Variants in PMEL observed in about 807,000 individuals in gnomAD.
The protein encoded by PMEL is melanocyte protein PMEL.
A neutral mutation model predicts 64.9 loss-of-function variants in PMEL; 53 were observed. That is an observed-to-expected ratio of 0.82 (90% CI 0.66 to 1.03). The LOEUF is 1.03. Among genes scored for constraint, PMEL ranks in the 50% least tolerant of loss-of-function variants. The probability of loss-of-function intolerance (pLI) is 0.00; values close to 1 mark genes in which losing one functional copy is unlikely to be tolerated. For missense variants in PMEL, 716 were observed against 814.9 expected (o/e 0.88, Z 1.48); for synonymous variants, 299 against 316.2 (o/e 0.95, Z 0.58).
intron 1 of PMEL, among the ~76,000 whole-genome samples, chr12:55,964,906 T>C (rs777291121): frequency 6.7e-6 from 1 of 150,290 alleles, no homozygotes; most frequent in African/African-American, 2.5e-5. Context: ...CATGAGTTAC[T>C]GTGCCGGGCC....
chr12:55,956,834 G>A, intron 6 of PMEL, 115 bp downstream of exon 6: 2 of 1,139,838 alleles, frequency 1.8e-6, no homozygotes, highest in Non-Finnish European at 2.5e-6. Flanking sequence ...TGAGAACTCT[G>A]AGGGGACCAT....
rs920827392 is a variant in PMEL, at chr12:55,954,123, T to C, written c.*91A>G. The C allele has an allele frequency of 6.4e-6, 8 of 1,253,544 alleles. No individual in the cohort carries two copies. The highest frequency in any genetic ancestry group is 8.9e-6 in the Non-Finnish European group (8 of 900,500). 77.7% of individuals were successfully genotyped at this position (1,253,544 alleles called of 1,614,324 possible). ...ACCAGCATCAGGCTCTGAGTATTTA[T>C]TTCAGTTAATAGTAGTCTCCCAGGG... On this transcript the variant is annotated 3_prime_UTR_variant, in exon 11 of 11. Coordinates refer to ENST00000548747, the MANE Select transcript of PMEL (RefSeq NM_001384361.1).
At chr12:55,961,871 T>C in intron 1 of PMEL, 139 bp from the exon 2 acceptor site, 1 of 603,310 alleles carries the variant, frequency 1.7e-6, no homozygotes, top group Non-Finnish European at 2.9e-6. Flanking sequence ...AGTTTCGCTC[T>C]TGTTGCCCAG....
chr12:55,960,806 C>T (rs1388147923), intron 3 of PMEL, among the ~76,000 whole-genome samples: 3 of 150,426 alleles, frequency 2.0e-5, no homozygotes, highest in African/African-American at 2.4e-5. Flanking sequence ...CTCGGCCTCC[C>T]GAAGTGCTGC....
intron 7 of PMEL, 29 bp from the exon 8 acceptor site, chr12:55,955,892 G>C: frequency 1.9e-6 from 3 of 1,595,490 alleles, no homozygotes; most frequent in Non-Finnish European, 2.6e-6. Flanking sequence ...ATCAAATTAG[G>C]ATTCCTCTAC....
At chr12:55,961,827 G>C in intron 1 of PMEL, 95 bp from the exon 2 acceptor site, 1 of 723,590 alleles carries the variant, frequency 1.4e-6, no homozygotes. Context: ...TCTCACATTC[G>C]AAGTGCATTT....
intron 5 of PMEL, 95 bp from the exon 6 acceptor site, chr12:55,957,766 C>T (rs1393703518): frequency 4.6e-6 from 7 of 1,522,024 alleles, no homozygotes; most frequent in South Asian, 1.3e-5. Context: ...CTGGCTGGCC[C>T]TTCACTGGCA....
intron 1 of PMEL, among the ~76,000 whole-genome samples, chr12:55,965,622 C>T (rs1251435085): frequency 7.9e-5 from 12 of 152,166 alleles, no homozygotes; most frequent in African/African-American, 2.7e-4. Flanking sequence ...CCCCAAGAGA[C>T]GTTTCCTAAA....
chr12:55,966,635 C>T, upstream of PMEL: 3 of 1,048,732 alleles, frequency 2.9e-6, no homozygotes, highest in South Asian at 3.3e-5. Flanking sequence ...TCAGCCGCCC[C>T]ACCGGGGAAG....
intron 6 of PMEL, 185 bp from the exon 7 acceptor site, chr12:55,956,404 A>G: frequency 1.8e-6 from 1 of 554,714 alleles, no homozygotes; most frequent in Non-Finnish European, 3.2e-6. Context: ...GAAGAAGAAA[A>G]TGACTCCTCC....
chr12:55,963,214 C>T (rs1334594723), intron 1 of PMEL, among the ~76,000 whole-genome samples: 3 of 151,804 alleles, frequency 2.0e-5, no homozygotes, highest in Non-Finnish European at 4.4e-5. Flanking sequence ...AGAAAGATCA[C>T]GATGGCAAGC....
In PMEL at chr12:55,957,984, A is replaced by G. The variant is rs1888958275; in HGVS notation, c.570T>C (p.His190=). 1.2e-6 allele frequency: 2 copies of G among 1,614,188 alleles called. No homozygotes were observed. Among genetic ancestry groups the G allele is most frequent in the African/African-American group, 2.7e-5 (2 of 75,060 alleles). Residue 190 remains histidine (H), a synonymous_variant, in exon 5 of 11, where the codon CAT becomes CAC. Transcript: ENST00000548747. ...GCACATAGCTCCGGGATCCCCGGCG[A>G]TGGTAGACAGTCACTTCCATGGTGT... The part of the protein sequence containing the change: ...GTHTMEVTVY[H]RRGSRSYVPL...
At chr12:55,965,815 AT>A in intron 1 of PMEL, 120 bp downstream of exon 1, 1 of 1,260,364 alleles carries the variant, frequency 7.9e-7, no homozygotes, top group South Asian at 1.3e-5. Flanking sequence ...TCCTCACTAA[AT>A]CAAATGAGTG....
chr12:55,964,689 G>GC (rs2136451517), intron 1 of PMEL, among the ~76,000 whole-genome samples: 1 of 150,950 alleles, frequency 6.6e-6, no homozygotes, highest in Admixed American at 6.6e-5. Context: ...GCAATGGTGT[G>GC]ATCTCGGCTC....
intron 5 of PMEL, 63 bp downstream of exon 5, chr12:55,957,860 C>T (rs1451727928): frequency 6.3e-7 from 1 of 1,588,724 alleles, no homozygotes; most frequent in East Asian, 2.2e-5. Flanking sequence ...CCTTTCCAGT[C>T]CATCCAAGCC....
chr12:55,958,859 G>A (rs974256911), intron 3 of PMEL, among the ~76,000 whole-genome samples: 1 of 151,930 alleles, frequency 6.6e-6, no homozygotes, highest in African/African-American at 2.4e-5. Context: ...ACAGCTCACT[G>A]GAGTGTCAAC....
chr12:55,962,887 G>T (rs888048845), intron 1 of PMEL, among the ~76,000 whole-genome samples: 1 of 151,882 alleles, frequency 6.6e-6, no homozygotes, highest in African/African-American at 2.4e-5. Flanking sequence ...TTTTAGCCAG[G>T]CATGGTGGCT....
chr12:55,954,259 A>T lies in PMEL; in HGVS notation c.1941T>A (p.Cys647Ter). ...GGAGGGGGCTGTTCTCACCAATGGG[A>T]CAAGAGCAGAAGATGCGGGGTAGAC... ...WLRLPRIFCS[C>*]PIGENSPLLS... Residue 647 changes from cysteine to a stop codon, truncating the protein, a stop_gained, in exon 11 of 11, where the codon TGT (cysteine) becomes TGA (stop). Coordinates refer to ENST00000548747, the MANE Select transcript of PMEL (RefSeq NM_001384361.1). LOFTEE classifies it high-confidence loss of function. 1 of 1,613,834 alleles carries T rather than the reference A, an allele frequency of 6.2e-7. No individual in the cohort carries two copies. Among genetic ancestry groups the T allele is most frequent in the East Asian group, 2.2e-5 (1 of 44,890 alleles).
In PMEL at chr12:55,964,318, G is replaced by A. The variant is rs1305800004; in HGVS notation, c.76+1618C>T. Among the ~76,000 whole-genome samples, 4 of 151,832 alleles carry A rather than the reference G, an allele frequency of 2.6e-5. No individual in the cohort carries two copies. In the South Asian group the frequency reaches 6.2e-4, roughly 24 times the overall value. On this transcript the variant is annotated intron_variant, in intron 1 of 10. Transcript: ENST00000548747. ...TGGGATTACAGGCATGCACCACCACGCCCAGCTAATTTTGTATTTTTAGTA... is the reference window on the plus strand; with the variant it reads ...TGGGATTACAGGCATGCACCACCACACCCAGCTAATTTTGTATTTTTAGTA...
Sources: gnomAD v4.1 joint callset for allele counts (sites outside exome capture counted in the v4.1 genomes callset) on GRCh38, gnomAD v4.1.1 for gene constraint, MANE v1.5 for transcripts, NCBI Gene and HGNC (gene_info 2026-07-23, HGNC 2026-07-21) for gene names.